The following DHX29 variants were observed in gnomAD, a reference collection of about 807,000 sequenced individuals.
DHX29 encodes DExH-box helicase 29, also known as ATP-dependent RNA helicase DHX29.
In DHX29, 79 loss-of-function variants were observed where a neutral mutation model predicts 167.9. The ratio of observed to expected loss-of-function variants is 0.47; its 90% CI spans 0.39 to 0.57. The LOEUF (loss-of-function observed/expected upper bound fraction) is 0.57, where lower values mean the gene tolerates loss of function less well. Among genes scored for constraint, DHX29 ranks in the 20% least tolerant of loss-of-function variants. The pLI is 0.00. For synonymous variants in DHX29, 530 were observed against 546.0 expected (o/e 0.97, Z 0.41); for missense variants, 1,347 against 1,593.4 (o/e 0.85, Z 2.63).
chr5:55,288,133 C>T (rs1274129835), intron 8 of DHX29, among the ~76,000 whole-genome samples: 1 of 151,786 alleles, frequency 6.6e-6, no homozygotes, highest in Non-Finnish European at 1.5e-5. Flanking sequence ...ATCCCAGCTA[C>T]TTGGGAGGCT....
chr5:55,306,670 C>T (rs990639077), intron 1 of DHX29, among the ~76,000 whole-genome samples: 1 of 152,122 alleles, frequency 6.6e-6, no homozygotes, highest in South Asian at 2.1e-4. Flanking sequence ...CATAAATGCT[C>T]AGCAAATATT....
At chr5:55,268,754 T>G (rs762202477) in intron 21 of DHX29, among the ~76,000 whole-genome samples, 34 of 152,222 alleles carry the variant, frequency 2.2e-4, no homozygotes, top group Admixed American at 3.3e-4. Flanking sequence ...AATTTGTTAA[T>G]TCTGACATAA....
intron 24 of DHX29, 28 bp downstream of exon 24, chr5:55,262,602 T>C: frequency 6.2e-7 from 1 of 1,608,546 alleles, no homozygotes; most frequent in Non-Finnish European, 8.5e-7. Context: ...ATGCTCTGAA[T>C]ACTGGAATTT....
chr5:55,282,579 A>C (rs1747487488), intron 11 of DHX29, among the ~76,000 whole-genome samples: 1 of 152,224 alleles, frequency 6.6e-6, no homozygotes, highest in African/African-American at 2.4e-5. Context: ...AAGTATAAAT[A>C]ATCAGAATTA....
intron 1 of DHX29, among the ~76,000 whole-genome samples, chr5:55,304,188 C>T (rs1011312115): frequency 2.0e-5 from 3 of 152,036 alleles, no homozygotes; most frequent in African/African-American, 7.2e-5. Flanking sequence ...AAAGGTCTTG[C>T]TATTTCTAGA....
chr5:55,292,669 C>T lies in DHX29; in HGVS notation c.780+1348G>A, dbSNP rs571781261. Among the ~76,000 whole-genome samples, 3 of 152,284 alleles carry T rather than the reference C, an allele frequency of 2.0e-5. No individual in the cohort carries two copies. In the South Asian group the frequency reaches 6.2e-4, roughly 32 times the overall value. ...CTCAGGTGAACTCACCTGTTTACTC[C>T]TATCTACCAGTACTCATCTATACAT... On this transcript the variant is annotated intron_variant, in intron 6 of 26. Coordinates refer to ENST00000251636, the MANE Select transcript of DHX29 (RefSeq NM_019030.4).
chr5:55,274,691 C>A lies in DHX29; in HGVS notation c.2613G>T (p.Leu871Phe). Residue 871 changes from leucine to phenylalanine, a missense_variant, in exon 16 of 27, where the codon TTG becomes TTT. By Grantham distance (22) the Leu-to-Phe change is conservative. Transcript: ENST00000251636. Reference protein sequence around the residue: ...PQFRNIEGAVLIFLPGLAHIQ... With the variant: ...PQFRNIEGAVFIFLPGLAHIQ... ...TATGAGCAAGTCCTGGTAAAAAGATCAATACTGCTCCTTCAATATTTCTGA... is the reference window on the plus strand; with the variant it reads ...TATGAGCAAGTCCTGGTAAAAAGATAAATACTGCTCCTTCAATATTTCTGA... 6.3e-7 allele frequency: 1 copy of A among 1,598,550 alleles called. No individual in the cohort carries two copies. Among genetic ancestry groups the A allele is most frequent in the South Asian group, 1.1e-5 (1 of 87,464 alleles).
intron 14 of DHX29, among the ~76,000 whole-genome samples, chr5:55,275,527 T>C (rs1747063212): frequency 2.0e-5 from 3 of 152,220 alleles, no homozygotes; most frequent in Non-Finnish European, 4.4e-5. Flanking sequence ...TTAATTTTTG[T>C]CTATCTGCTT....
At position 55,269,520 on chromosome 5, in the gene DHX29, C is replaced by T; in HGVS notation, c.3187G>A (p.Glu1063Lys). Residue 1063 changes from glutamate (E) to lysine (K), a missense_variant, in exon 21 of 27, where the codon GAG (glutamate) becomes AAG (lysine). Around this residue, in one of 3 missense-constraint regions of DHX29, gnomAD observed 882 missense variants for 1,082.4 expected, o/e 0.81. Transcript: ENST00000251636. ...LRKIGACELNEPKLTPLGQHL... is the reference protein window; with the variant it reads ...LRKIGACELNKPKLTPLGQHL... ...TGGCCCAACGGAGTCAGTTTAGGCT[C>T]ATTTAATTCACAAGCTCCAATTTTT... The T allele has an allele frequency of 6.2e-7, 1 of 1,614,116 alleles. No homozygotes were observed. Among genetic ancestry groups the T allele is most frequent in the Non-Finnish European group, 8.5e-7 (1 of 1,180,012 alleles).
At chr5:55,263,878 G>A (rs1273530232) in intron 23 of DHX29, among the ~76,000 whole-genome samples, 1 of 150,784 alleles carries the variant, frequency 6.6e-6, no homozygotes, top group African/African-American at 2.4e-5. Context: ...TGTCATCCTA[G>A]CAGTTTTTTT....
In DHX29 at chr5:55,282,085, C is replaced by A. The variant is rs554256829; in HGVS notation, c.1966-570G>T. Among the ~76,000 whole-genome samples, 154 of 152,140 alleles carry A rather than the reference C, an allele frequency of 1.0e-3. 1 individual carries two copies. Among genetic ancestry groups the A allele is most frequent in the Non-Finnish European group, 1.8e-3 (125 of 67,982 alleles). Reference sequence around the variant, plus strand: ...ATAGGCGTGAGCCACCACACCCAGCCCCAAAATTTTTGTTCTTTTCAAGAT... The same window carrying A: ...ATAGGCGTGAGCCACCACACCCAGCACCAAAATTTTTGTTCTTTTCAAGAT... On this transcript the variant is annotated intron_variant, in intron 11 of 26. Coordinates refer to ENST00000251636, the MANE Select transcript of DHX29 (RefSeq NM_019030.4).
At chr5:55,279,001 ATCATGTGGTC>A (rs2111868227) in intron 12 of DHX29, among the ~76,000 whole-genome samples, 1 of 152,354 alleles carries the variant, frequency 6.6e-6, no homozygotes, top group African/African-American at 2.4e-5. Flanking sequence ...AAGCAGAGGA[ATCATGTGGTC>A]TGAGTTTTAT....
Position 55,281,378 on chromosome 5 carries a change from T to A in DHX29, c.2103A>T (p.Val701=). 1 of 1,582,358 alleles carries A rather than the reference T, an allele frequency of 6.3e-7. No individual in the cohort carries two copies. Among genetic ancestry groups the A allele is most frequent in the Non-Finnish European group, 8.6e-7 (1 of 1,165,382 alleles). The part of the protein sequence containing the change: ...GLLSNVSHVI[V]DEVHERSVQS... ...AACTATAGAATCCACTCACCTCATC[T>A]ACAATAACATGAGACACATTACTTA... Residue 701 remains valine, a synonymous_variant, in exon 12 of 27, where the codon GTA becomes GTT. Transcript: ENST00000251636.
Position 55,275,027 on chromosome 5 carries a change from C to T in DHX29, c.2428-17G>A. 4 of 1,603,202 alleles carry T rather than the reference C, an allele frequency of 2.5e-6. No homozygotes were observed. The highest frequency in any genetic ancestry group is 3.4e-6 in the Non-Finnish European group (4 of 1,177,652). On this transcript the variant is annotated splice_polypyrimidine_tract_variant and intron_variant, in intron 14 of 26. Transcript: ENST00000251636. ...GATGTATTCCTAAAAGAAATCCAAC[C>T]AGAGGGAGGTGAATAAAAATATTAA...
At chr5:55,283,160 A>T (rs1747521296) in intron 11 of DHX29, 43 bp downstream of exon 11, 2 of 1,538,016 alleles carry the variant, frequency 1.3e-6, no homozygotes, top group South Asian at 2.5e-5. Flanking sequence ...AAGGTGAGTA[A>T]TGTCACCATC....
At position 55,267,819 on chromosome 5, in the gene DHX29, T is replaced by A; in HGVS notation, c.3298A>T (p.Thr1100Ser). 2 of 1,592,254 alleles carry A rather than the reference T, an allele frequency of 1.3e-6. No individual in the cohort carries two copies. The highest frequency in any genetic ancestry group is 1.1e-5 in the South Asian group (1 of 87,028). Residue 1100 changes from threonine to serine, a missense_variant, in exon 22 of 27, where the codon ACA becomes TCA. Thr to Ser is a moderately conservative substitution (Grantham distance 58). This residue lies in a region of DHX29 where 882 missense variants were observed against 1,082.4 expected (regional missense o/e 0.81). Transcript: ENST00000251636. ...AIFGCLDPVA[T>S]LAAVMTEKSP... ...TTCTCTGTCATAACTGCAGCTAGTGTTGCCTATCCATAAATCATAAATGAC... is the reference window on the plus strand; with the variant it reads ...TTCTCTGTCATAACTGCAGCTAGTGATGCCTATCCATAAATCATAAATGAC...
Position 55,274,720 on chromosome 5 carries a change from G to C in DHX29, c.2584C>G (p.Gln862Glu). The change falls in exon 16 of 27, where the codon CAA (glutamine) becomes GAA (glutamate). Residue 862 changes from glutamine to glutamate, a missense_variant. Around this residue, in one of 3 missense-constraint regions of DHX29, gnomAD observed 882 missense variants for 1,082.4 expected, o/e 0.81. Transcript: ENST00000251636. ...ELLAYLDKSP[Q>E]FRNIEGAVLI... is the part of the protein sequence containing the mutation. ...ACTGCTCCTTCAATATTTCTGAATT[G>C]GGGACTTTTATCTGAAATTTTTAAA... The C allele has an allele frequency of 1.3e-6, 2 of 1,587,830 alleles. No homozygotes were observed. Among genetic ancestry groups the C allele is most frequent in the South Asian group, 2.3e-5 (2 of 85,450 alleles).
chr5:55,281,568 CA>C, intron 11 of DHX29, 53 bp from the exon 12 acceptor site: 2 of 1,383,042 alleles, frequency 1.4e-6, no homozygotes, highest in South Asian at 3.6e-5. Context: ...ATATGGGAAA[CA>C]AGCTTTAAAA....
intron 11 of DHX29, among the ~76,000 whole-genome samples, chr5:55,282,206 G>A (rs1019497324): frequency 6.6e-6 from 1 of 152,074 alleles, no homozygotes; most frequent in Non-Finnish European, 1.5e-5. Context: ...AATAATCATG[G>A]AGCAAAATAT....
Sources: allele counts gnomAD v4.1 joint callset (sites outside exome capture counted in the v4.1 genomes callset), GRCh38; gene constraint gnomAD v4.1.1; regional missense constraint gnomAD v4.1.1; transcripts MANE v1.5; gene names NCBI Gene and HGNC (gene_info 2026-07-23, HGNC 2026-07-21).